The following CLIP4 variants were observed in gnomAD, a reference collection of about 807,000 sequenced individuals.
CLIP4 encodes the protein CAP-Gly domain containing linker protein family member 4.
Under a neutral mutation model 73.1 loss-of-function variants are expected in CLIP4, and 47 were observed. That is an observed-to-expected ratio of 0.64 (90% CI 0.51 to 0.82). CLIP4 has a LOEUF of 0.82. Among genes scored for constraint, CLIP4 ranks in the 40% least tolerant of loss-of-function variants. CLIP4 has a pLI of 0.00. For missense variants in CLIP4, 874 were observed against 852.9 expected, an observed-to-expected ratio of 1.02 and a Z score of -0.31; for synonymous variants, 306 against 295.4, an observed-to-expected ratio of 1.04 and a Z score of -0.37.
chr2:29,109,619 C>G (rs911210638), intron 1 of CLIP4, among the ~76,000 whole-genome samples: 3 of 152,150 alleles, frequency 2.0e-5, no homozygotes, highest in Non-Finnish European at 4.4e-5. Flanking sequence ...TCCAATCTAG[C>G]TGTAATTATA....
At chr2:29,112,003 G>A (rs115508003), upstream of CLIP4, among the ~76,000 whole-genome samples, 2 of 152,032 alleles carry the variant, frequency 1.3e-5, no homozygotes, top group East Asian at 1.9e-4. Flanking sequence ...CCAGTTTCCC[G>A]AATGCCGTCT....
At chr2:29,130,873 A>G (rs1375600058) in intron 2 of CLIP4, 1 of 1,290,470 alleles carries the variant, frequency 7.7e-7, no homozygotes, top group African/African-American at 1.5e-5. Flanking sequence ...ATGCTGTTAC[A>G]ATCTGAGCTC....
chr2:29,097,797 CA>C (rs1667917565), exon 1 of CLIP4: 1 of 152,226 alleles, frequency 6.6e-6, no homozygotes, highest in Non-Finnish European at 1.5e-5. Context: ...TGGATCTGCA[CA>C]GGGGCCTCAG....
chr2:29,162,634 A>G (rs1042824288), intron 12 of CLIP4, among the ~76,000 whole-genome samples: 1 of 152,246 alleles, frequency 6.6e-6, no homozygotes, highest in African/African-American at 2.4e-5. Flanking sequence ...AGGCAGAAGC[A>G]AGTAAAACTT....
chr2:29,168,122 C>G (rs796518645), intron 14 of CLIP4, among the ~76,000 whole-genome samples: 2 of 152,252 alleles, frequency 1.3e-5, no homozygotes, highest in African/African-American at 4.8e-5. Context: ...TTCTCCTCAC[C>G]TCATTAGTAC....
Position 29,171,293 on chromosome 2 carries a change from C to T in CLIP4, c.1724-3080C>T, listed in dbSNP as rs570380256. Among the ~76,000 whole-genome samples the T allele has an allele frequency of 4.3e-3, 657 of 152,114 alleles. 11 individuals are homozygous for T. The highest frequency in any genetic ancestry group is 0.015 in the African/African-American group (611 of 41,496). On this transcript the variant is annotated intron_variant, in intron 14 of 15. Transcript: ENST00000320081. ...CTTCCATCAGAGTTTTATAGTTTTC[C>T]TCATAGAGACTTTGTACATGTTTTG...
In CLIP4 at chr2:29,152,797, C is replaced by T. The variant is rs139780974; in HGVS notation, c.1134C>T (p.Asp378=). 3.2e-5 allele frequency: 52 copies of T among 1,613,576 alleles called. No homozygotes were observed. In the African/African-American group the frequency reaches 5.6e-4, roughly 17 times the overall value. The part of the protein sequence containing the change: ...AVPLIRSQKI[D]VAHVTSKVNT... ...CTCTCATCAGGTCCCAGAAAATTGACGTAGCTCATGTGACGTCAAAAGTAA... is the reference window on the plus strand; with the variant it reads ...CTCTCATCAGGTCCCAGAAAATTGATGTAGCTCATGTGACGTCAAAAGTAA... Residue 378 remains aspartate (D), a synonymous_variant, in exon 9 of 16, where the codon GAC becomes GAT. Transcript: ENST00000320081.
At chr2:29,176,550 G>A (rs978536263) in intron 15 of CLIP4, among the ~76,000 whole-genome samples, 8 of 152,144 alleles carry the variant, frequency 5.3e-5, no homozygotes, top group African/African-American at 1.9e-4. Context: ...TGAGGAATGC[G>A]TTTCATCCCG....
Position 29,132,167 on chromosome 2 carries a change from T to G in CLIP4, c.289T>G (p.Cys97Gly). 3.7e-6 allele frequency: 6 copies of G among 1,613,588 alleles called. No individual in the cohort carries two copies. Among genetic ancestry groups the G allele is most frequent in the Non-Finnish European group, 5.1e-6 (6 of 1,179,584 alleles). The change falls in exon 4 of 16, where the codon TGC becomes GGC. Residue 97 changes from cysteine to glycine, a missense_variant. Coordinates refer to ENST00000320081, the MANE Select transcript of CLIP4 (RefSeq NM_024692.6). ...ACTGCTTCAGATTCTTAAGAGAGGT[T>G]GCAATGTGAATGATAGAGATGGATT... ...IIGNEILKRG[C>G]NVNDRDGLTD...
intron 2 of CLIP4, among the ~76,000 whole-genome samples, chr2:29,125,860 C>T (rs1179349714): frequency 6.6e-6 from 1 of 152,188 alleles, no homozygotes; most frequent in African/African-American, 2.4e-5. Context: ...TCTCCCCTCA[C>T]CCCACTTTCT....
intron 15 of CLIP4, among the ~76,000 whole-genome samples, chr2:29,177,854 A>G (rs1668433618): frequency 6.6e-6 from 1 of 152,192 alleles, no homozygotes; most frequent in Non-Finnish European, 1.5e-5. Flanking sequence ...ATATTTTTGA[A>G]TGAGTAAACA....
chr2:29,128,861 T>C (rs1397252261), intron 2 of CLIP4, among the ~76,000 whole-genome samples: 1 of 152,172 alleles, frequency 6.6e-6, no homozygotes, highest in African/African-American at 2.4e-5. Context: ...GAGAAATCTA[T>C]GTAAATACAC....
At chr2:29,110,089 G>A (rs1668346076) in intron 1 of CLIP4, among the ~76,000 whole-genome samples, 1 of 152,084 alleles carries the variant, frequency 6.6e-6, no homozygotes, top group African/African-American at 2.4e-5. Flanking sequence ...ACATAGAATA[G>A]CATGAAACTA....
At chr2:29,169,144 G>T (rs955939185) in intron 14 of CLIP4, among the ~76,000 whole-genome samples, 1 of 152,138 alleles carries the variant, frequency 6.6e-6, no homozygotes, top group Non-Finnish European at 1.5e-5. Flanking sequence ...TGTATTAGTT[G>T]CTAGGGATGC....
At chr2:29,153,585 C>T (rs982242891) in intron 9 of CLIP4, among the ~76,000 whole-genome samples, 1 of 152,092 alleles carries the variant, frequency 6.6e-6, no homozygotes, top group African/African-American at 2.4e-5. Flanking sequence ...CCTATTCTCT[C>T]GGCAAAATTT....
intron 6 of CLIP4, among the ~76,000 whole-genome samples, chr2:29,140,964 C>T (rs967771474): frequency 3.3e-5 from 5 of 152,046 alleles, no homozygotes; most frequent in African/African-American, 7.2e-5. Context: ...TTGATACAGG[C>T]GTTTTGTACT....
chr2:29,179,911 G>T (rs1216405803), intron 15 of CLIP4, among the ~76,000 whole-genome samples: 1 of 152,072 alleles, frequency 6.6e-6, no homozygotes, highest in African/African-American at 2.4e-5. Context: ...TCACTTACTG[G>T]CAGATGTGGC....
At chr2:29,158,518 G>A (rs1173090040) in intron 11 of CLIP4, among the ~76,000 whole-genome samples, 1 of 150,970 alleles carries the variant, frequency 6.6e-6, no homozygotes, top group East Asian at 1.9e-4. Flanking sequence ...TTCAAAGAGG[G>A]AGATGGGCCG....
chr2:29,176,077 A>G (rs944740030), intron 15 of CLIP4, among the ~76,000 whole-genome samples: 2 of 152,172 alleles, frequency 1.3e-5, no homozygotes, highest in Non-Finnish European at 2.9e-5. Context: ...AAACTTTTTA[A>G]ATTATTAATT....
Sources: allele counts gnomAD v4.1 joint callset (sites outside exome capture counted in the v4.1 genomes callset), GRCh38; gene constraint gnomAD v4.1.1; transcripts MANE v1.5; gene names NCBI Gene and HGNC (gene_info 2026-07-23, HGNC 2026-07-21).